Variants in EIF3J observed in about 807,000 individuals in gnomAD.
EIF3J encodes the protein eukaryotic translation initiation factor 3 subunit J.
Under a neutral mutation model 39.0 loss-of-function variants are expected in EIF3J, and 15 were observed. The ratio of observed to expected loss-of-function variants is 0.38; its 90% CI spans 0.26 to 0.59. The LOEUF is 0.59. EIF3J is among the 20% of genes least tolerant of loss of function. The pLI is 0.60. For synonymous variants in EIF3J, 98 were observed against 112.9 expected (o/e 0.87, Z 0.84); for missense variants, 226 against 308.6 (o/e 0.73, Z 2.00).
intron 6 of EIF3J, chr15:44,558,735 C>T (rs2082165732): frequency 6.6e-6 from 1 of 152,176 alleles, no homozygotes; most frequent in Non-Finnish European, 1.5e-5. Context: ...CCACCACGCC[C>T]AGCCTATTTG....
At position 44,554,608 on chromosome 15, in the gene EIF3J, A is replaced by G; in HGVS notation, c.350A>G (p.Lys117Arg). The G allele has an allele frequency of 6.2e-7, 1 of 1,613,040 alleles. No individual in the cohort carries two copies. Among genetic ancestry groups the G allele is most frequent in the Non-Finnish European group, 8.5e-7 (1 of 1,179,658 alleles). Residue 117 changes from lysine to arginine, a missense_variant, in exon 5 of 8, where the codon AAA becomes AGA. Physicochemically the swap from Lys to Arg is conservative, Grantham distance 26. Coordinates refer to ENST00000261868, the MANE Select transcript of EIF3J (RefSeq NM_003758.4). ...ACACCAGAAGAACAATTAGCAGATA[A>G]ACTGCGGCTAAAGAAATTACAGGAA... ...VLTPEEQLAD[K>R]LRLKKLQEES...
chr15:44,558,389 G>T (rs912279107), intron 6 of EIF3J, among the ~76,000 whole-genome samples: 1 of 151,884 alleles, frequency 6.6e-6, no homozygotes, highest in African/African-American at 2.4e-5. Context: ...GGATCACGAG[G>T]TCAGGAGATT....
chr15:44,547,371 G>C (rs773229743), intron 2 of EIF3J, among the ~76,000 whole-genome samples: 2 of 151,436 alleles, frequency 1.3e-5, no homozygotes, highest in Non-Finnish European at 2.9e-5. Flanking sequence ...TTGCATTCCC[G>C]ACCTCAGGTG....
intron 2 of EIF3J, among the ~76,000 whole-genome samples, chr15:44,540,333 G>A (rs955981282): frequency 6.0e-5 from 8 of 132,376 alleles, no homozygotes; most frequent in African/African-American, 2.3e-4. Context: ...AAACTCCTGA[G>A]GTCAAAGTGA....
chr15:44,539,048 TG>T (rs1421366131), intron 2 of EIF3J, among the ~76,000 whole-genome samples: 3 of 149,248 alleles, frequency 2.0e-5, no homozygotes, highest in Non-Finnish European at 4.5e-5. Context: ...TTTTTTGAGA[TG>T]GAGTTTCGCT....
At chr15:44,551,305 G>A (rs1458481242) in intron 3 of EIF3J, 126 bp from the exon 4 acceptor site, 3 of 670,152 alleles carry the variant, frequency 4.5e-6, no homozygotes, top group Non-Finnish European at 7.5e-6. Context: ...CATTATTTGT[G>A]AGAAAAATCA....
chr15:44,551,730 A>C (rs1184718176), intron 4 of EIF3J, among the ~76,000 whole-genome samples: 5 of 152,242 alleles, frequency 3.3e-5, no homozygotes, highest in Non-Finnish European at 7.3e-5. Flanking sequence ...AGTTTTCACA[A>C]ACATTCAGGA....
At chr15:44,543,508 G>A (rs532840235) in intron 2 of EIF3J, among the ~76,000 whole-genome samples, 308 of 151,680 alleles carry the variant, frequency 2.0e-3, no homozygotes, top group Non-Finnish European at 3.7e-3. Flanking sequence ...CCGCCTCCTG[G>A]GTTCAAGCGA....
intron 4 of EIF3J, among the ~76,000 whole-genome samples, chr15:44,553,053 G>T (rs559171567): frequency 1.3e-5 from 2 of 152,064 alleles, no homozygotes; most frequent in African/African-American, 4.8e-5. Flanking sequence ...GGGCGTGGTG[G>T]TACATGCCTG....
Position 44,554,638 on chromosome 15 carries a change from C to CA in EIF3J, c.381dup (p.Asp128ArgfsTer12). 6.2e-7 allele frequency: 1 copy of CA among 1,612,612 alleles called. No homozygotes were observed. The highest frequency in any genetic ancestry group is 8.5e-7 in the Non-Finnish European group (1 of 1,179,350). ...CGGCTAAAGAAATTACAGGAAGAGTCAGACCTCGAATTAGCAAAGGAAACT... is the reference window on the plus strand; with the variant it reads ...CGGCTAAAGAAATTACAGGAAGAGTCAAGACCTCGAATTAGCAAAGGAAACT... On this transcript the variant is annotated frameshift_variant, in exon 5 of 8. Coordinates refer to ENST00000261868, the MANE Select transcript of EIF3J (RefSeq NM_003758.4). LOFTEE classifies it high-confidence loss of function.
intron 2 of EIF3J, 29 bp downstream of exon 2, chr15:44,537,456 G>C: frequency 6.7e-7 from 1 of 1,494,840 alleles, no homozygotes; most frequent in African/African-American, 1.4e-5. Flanking sequence ...GCCGGGCAGC[G>C]CGGAAGCGGG....
chr15:44,548,924 G>A (rs944055212), intron 2 of EIF3J, among the ~76,000 whole-genome samples: 2 of 151,892 alleles, frequency 1.3e-5, no homozygotes, highest in Non-Finnish European at 2.9e-5. Context: ...TTTATTAAAG[G>A]GTTTTTAATA....
chr15:44,555,735 ATTG>A (rs1474831739), intron 5 of EIF3J, among the ~76,000 whole-genome samples: 1 of 152,250 alleles, frequency 6.6e-6, no homozygotes, highest in Non-Finnish European at 1.5e-5. Context: ...TCATATAGTC[ATTG>A]TTAATAGGAT....
intron 4 of EIF3J, among the ~76,000 whole-genome samples, chr15:44,554,089 A>G (rs1237164587): frequency 6.6e-6 from 1 of 152,100 alleles, no homozygotes; most frequent in Non-Finnish European, 1.5e-5. Context: ...AAGGATACCT[A>G]AAGTGGACTG....
chr15:44,542,851 A>G (rs1425835980), intron 2 of EIF3J, among the ~76,000 whole-genome samples: 1 of 152,234 alleles, frequency 6.6e-6, no homozygotes, highest in African/African-American at 2.4e-5. Flanking sequence ...TAAATTGGAT[A>G]TTATAGTTGA....
rs753554979 is a variant in EIF3J, at chr15:44,557,497, A to G, written c.418A>G (p.Asn140Asp). Residue 140 changes from asparagine (N) to aspartate (D), a missense_variant, in exon 6 of 8, where the codon AAT becomes GAT. Coordinates refer to ENST00000261868, the MANE Select transcript of EIF3J (RefSeq NM_003758.4). ...ELAKETFGVNNAVYGIDAMNP... is the reference protein window; with the variant it reads ...ELAKETFGVNDAVYGIDAMNP... ...CTTCTTTTCTCCTACAGGTGTTAAT[A>G]ATGCAGTTTATGGAATAGATGCTAT... 6.6e-7 allele frequency: 1 copy of G among 1,521,856 alleles called. No individual in the cohort carries two copies. The highest frequency in any genetic ancestry group is 8.8e-7 in the Non-Finnish European group (1 of 1,141,396). 94.3% of individuals were successfully genotyped at this position (1,521,856 alleles called of 1,614,324 possible).
chr15:44,558,528 C>CAA (rs936588233), intron 6 of EIF3J, among the ~76,000 whole-genome samples: 60 of 136,872 alleles, frequency 4.4e-4, no homozygotes, highest in African/African-American at 1.6e-3. Flanking sequence ...GACTCCGTCT[C>CAA]AAAAAAAAAA....
intron 2 of EIF3J, among the ~76,000 whole-genome samples, chr15:44,538,998 A>C (rs2081985154): frequency 6.6e-6 from 1 of 152,160 alleles, no homozygotes; most frequent in African/African-American, 2.4e-5. Context: ...AAGGGATCTA[A>C]ATGGTATCGA....
intron 7 of EIF3J, 118 bp from the exon 8 acceptor site, chr15:44,560,900 A>C: frequency 7.3e-7 from 1 of 1,370,620 alleles, no homozygotes; most frequent in Non-Finnish European, 9.8e-7. Flanking sequence ...GATGTCCCTT[A>C]CAGAACTAGT....
Sources: gnomAD v4.1 joint callset for allele counts (sites outside exome capture counted in the v4.1 genomes callset) on GRCh38, gnomAD v4.1.1 for gene constraint, MANE v1.5 for transcripts, NCBI Gene and HGNC (gene_info 2026-07-23, HGNC 2026-07-21) for gene names.